CLVS1: variants seen among roughly 807,000 people sequenced by gnomAD.
The protein encoded by CLVS1 is clavesin 1.
A neutral mutation model predicts 33.1 loss-of-function variants in CLVS1; 10 were observed. The observed-to-expected ratio is 0.30, with a 90% confidence interval of 0.19 to 0.51. The LOEUF is 0.51. CLVS1 is among the 20% of genes least tolerant of loss of function. CLVS1 has a pLI of 0.97. For missense variants in CLVS1, 343 were observed against 433.4 expected, an observed-to-expected ratio of 0.79 and a Z score of 1.85; for synonymous variants, 163 against 166.1, an observed-to-expected ratio of 0.98 and a Z score of 0.14.
At chr8:61,024,518 A>G in the CLVS1 span, among the ~76,000 whole-genome samples, 1 of 152,226 alleles carries the variant, frequency 6.6e-6, no homozygotes, top group African/African-American at 2.4e-5. Context: ...CAGGGCATCC[A>G]AGAAATTCCT....
the CLVS1 span, among the ~76,000 whole-genome samples, chr8:60,990,309 C>A: frequency 6.6e-6 from 1 of 152,054 alleles, no homozygotes; most frequent in African/African-American, 2.4e-5. Flanking sequence ...ATGGTCTGGA[C>A]AATAGATGCT....
chr8:61,136,124 T>C (rs539339403), intron 2 of CLVS1, among the ~76,000 whole-genome samples: 60 of 152,372 alleles, frequency 3.9e-4, no homozygotes, highest in African/African-American at 1.4e-3. Context: ...GCCTTCCGAA[T>C]GACTGTGATG....
intron 2 of CLVS1, among the ~76,000 whole-genome samples, chr8:61,368,638 A>G (rs16927200): frequency 0.017 from 2,639 of 152,308 alleles, 87 homozygotes; most frequent in African/African-American, 0.06. Flanking sequence ...TAAAATAAAC[A>G]CTATTCTTAG....
the CLVS1 span, among the ~76,000 whole-genome samples, chr8:60,979,212 G>A: frequency 6.6e-6 from 1 of 152,118 alleles, no homozygotes; most frequent in African/African-American, 2.4e-5. Context: ...ATCTATAAAG[G>A]GGGGTTGTTG....
chr8:61,413,570 A>C (rs892195408), intron 3 of CLVS1, among the ~76,000 whole-genome samples: 1 of 152,168 alleles, frequency 6.6e-6, no homozygotes. Context: ...CGGGCAGAAA[A>C]ACTGCAACTG....
chr8:61,300,308 G>A, intron 2 of CLVS1, 26 bp downstream of exon 2: 3 of 1,577,158 alleles, frequency 1.9e-6, no homozygotes, highest in Non-Finnish European at 2.6e-6. Flanking sequence ...GTCTTTACTT[G>A]GTTTTTCTTT....
At chr8:61,008,199 A>T in the CLVS1 span, among the ~76,000 whole-genome samples, 2 of 151,704 alleles carry the variant, frequency 1.3e-5, no homozygotes, top group Non-Finnish European at 1.5e-5. Flanking sequence ...ACGCGCAATT[A>T]CTTTGTTACA....
intron 1 of CLVS1, among the ~76,000 whole-genome samples, chr8:61,298,334 C>T (rs577701328): frequency 6.6e-6 from 1 of 152,086 alleles, no homozygotes; most frequent in African/African-American, 2.4e-5. Context: ...TCTTAGAGAA[C>T]ATCACAGAGA....
At chr8:61,159,584 T>A (rs1207293705) in intron 2 of CLVS1, among the ~76,000 whole-genome samples, 1 of 152,228 alleles carries the variant, frequency 6.6e-6, no homozygotes, top group Admixed American at 6.5e-5. Flanking sequence ...TTCCTCAGCC[T>A]CCTGAGCTAT....
At chr8:61,243,752 A>G (rs1808745055) in intron 2 of CLVS1, among the ~76,000 whole-genome samples, 1 of 152,108 alleles carries the variant, frequency 6.6e-6, no homozygotes, top group African/African-American at 2.4e-5. Flanking sequence ...GGGGTTATCA[A>G]TTATTTTAGC....
chr8:61,189,712 G>T (rs1357138363), intron 2 of CLVS1, among the ~76,000 whole-genome samples: 2 of 152,026 alleles, frequency 1.3e-5, no homozygotes, highest in Non-Finnish European at 1.5e-5. Context: ...AAAAAGGCAG[G>T]GGTTGCAATC....
intron 1 of CLVS1, among the ~76,000 whole-genome samples, chr8:61,296,511 C>T (rs1032801284): frequency 5.3e-5 from 8 of 152,154 alleles, no homozygotes; most frequent in Non-Finnish European, 1.0e-4. Flanking sequence ...AAGCACTGTG[C>T]TCCATGGCTT....
chr8:61,350,072 A>T (rs1241323006), intron 2 of CLVS1, among the ~76,000 whole-genome samples: 2 of 152,164 alleles, frequency 1.3e-5, no homozygotes, highest in African/African-American at 4.8e-5. Flanking sequence ...GTCAAAGGAT[A>T]TAGAATTTCA....
intron 2 of CLVS1, among the ~76,000 whole-genome samples, chr8:61,181,478 C>T (rs983315831): frequency 3.3e-5 from 5 of 152,156 alleles, no homozygotes; most frequent in Non-Finnish European, 7.3e-5. Context: ...TTAGAAAGAA[C>T]TATTTTAAAT....
At chr8:61,234,508 G>A (rs1036115986) in intron 2 of CLVS1, among the ~76,000 whole-genome samples, 2 of 152,106 alleles carry the variant, frequency 1.3e-5, no homozygotes, top group African/African-American at 4.8e-5. Flanking sequence ...GTCACAATGA[G>A]CCAGGGAGAT....
chr8:61,432,846 A>G (rs1478743435), intron 3 of CLVS1, among the ~76,000 whole-genome samples: 3 of 152,214 alleles, frequency 2.0e-5, no homozygotes, highest in Admixed American at 2.0e-4. Context: ...AAAGAAACAC[A>G]AGCCGCAGTA....
intron 2 of CLVS1, among the ~76,000 whole-genome samples, chr8:61,329,219 C>T (rs1445326244): frequency 1.3e-5 from 2 of 152,062 alleles, no homozygotes; most frequent in African/African-American, 4.8e-5. Context: ...CTCTCTCTCT[C>T]TCTCTCTCTC....
At chr8:61,401,790 C>T (rs959768743) in intron 3 of CLVS1, among the ~76,000 whole-genome samples, 1 of 151,892 alleles carries the variant, frequency 6.6e-6, no homozygotes, top group African/African-American at 2.4e-5. Context: ...GCTGGAAGCT[C>T]CTTCTGTTTT....
intron 2 of CLVS1, among the ~76,000 whole-genome samples, chr8:61,152,602 G>A (rs1435380951): frequency 1.3e-5 from 2 of 152,150 alleles, no homozygotes; most frequent in East Asian, 1.9e-4. Flanking sequence ...AAAGCATTTA[G>A]CTAGGTCCCG....
Sources: gnomAD v4.1 joint callset for allele counts (sites outside exome capture counted in the v4.1 genomes callset) on GRCh38, gnomAD v4.1.1 for gene constraint, MANE v1.5 for transcripts, NCBI Gene and HGNC (gene_info 2026-07-23, HGNC 2026-07-21) for gene names.